Variants in FRAS1 observed in about 807,000 individuals in gnomAD.
FRAS1 encodes Fraser extracellular matrix complex subunit 1, also known as extracellular matrix organizing protein FRAS1.
FRAS1 carries 290 observed loss-of-function variants against 435.2 expected under a neutral mutation model. That is an observed-to-expected ratio of 0.67 (90% confidence interval 0.61 to 0.73). The LOEUF (loss-of-function observed/expected upper bound fraction) is 0.73, where lower values mean the gene tolerates loss of function less well. Ranked by LOEUF, FRAS1 falls within the 30% of genes least tolerant of loss-of-function variation. The pLI, the probability that FRAS1 is intolerant of heterozygous loss-of-function variation, is 0.00. For missense variants in FRAS1, 4,860 were observed against 5,001.5 expected (o/e 0.97, Z 0.85); for synonymous variants, 1,800 against 1,851.0 (o/e 0.97, Z 0.71).
At chr4:78,423,271 A>G (rs946110106) in intron 34 of FRAS1, among the ~76,000 whole-genome samples, 1 of 151,724 alleles carries the variant, frequency 6.6e-6, no homozygotes, top group Non-Finnish European at 1.5e-5. Context: ...GATTCAAGCA[A>G]TTCTCCTGCC....
chr4:78,519,221 A>C, intron 66 of FRAS1, 110 bp from the exon 67 acceptor site: 4 of 867,008 alleles, frequency 4.6e-6, no homozygotes, highest in Non-Finnish European at 6.6e-6. Flanking sequence ...TAATTATTGA[A>C]TAAGTGTGTG....
chr4:78,200,870 A>AATATATAT (rs148259948), intron 2 of FRAS1, among the ~76,000 whole-genome samples: 11,532 of 139,540 alleles, frequency 0.083, 512 homozygotes, highest in Middle Eastern at 0.1. Context: ...GCATGCCTTG[A>AATATATAT]ATATATATAT....
intron 19 of FRAS1, 39 bp downstream of exon 19, chr4:78,333,451 A>G (rs1730026447): frequency 1.3e-6 from 2 of 1,591,234 alleles, no homozygotes; most frequent in South Asian, 1.2e-5. Flanking sequence ...GCCTATGACC[A>G]TGTTTTGTCT....
intron 14 of FRAS1, among the ~76,000 whole-genome samples, chr4:78,305,447 A>C (rs1728661133): frequency 6.6e-6 from 1 of 150,394 alleles, no homozygotes; most frequent in African/African-American, 2.5e-5. Context: ...GATCTGTCTA[A>C]TGTTGACAGT....
chr4:78,206,271 G>A (rs1015731809), intron 2 of FRAS1, among the ~76,000 whole-genome samples: 11 of 152,110 alleles, frequency 7.2e-5, no homozygotes, highest in East Asian at 5.8e-4. Context: ...AGGTAGTGAC[G>A]GGAATAATGT....
In FRAS1 at chr4:78,140,850, A is replaced by G. The variant is rs181051399; in HGVS notation, c.108+74834A>G. Among the ~76,000 whole-genome samples the G allele has an allele frequency of 3.3e-5, 5 of 152,208 alleles. No individual in the cohort carries two copies. The East Asian group carries it at 7.7e-4, about 24-fold the overall frequency. On this transcript the variant is annotated intron_variant, in intron 2 of 73. Transcript: ENST00000512123. ...AAAGGAATGAATTAACAGCATTTTC[A>G]GTGACCCAAATTTTGTGGTGATATA...
At chr4:78,099,467 T>C (rs1741995002) in intron 2 of FRAS1, among the ~76,000 whole-genome samples, 1 of 152,150 alleles carries the variant, frequency 6.6e-6, no homozygotes, top group African/African-American at 2.4e-5. Flanking sequence ...ATTTAAAAGA[T>C]GGGGGTGAAA....
intron 19 of FRAS1, among the ~76,000 whole-genome samples, chr4:78,337,234 G>A (rs367279): frequency 0.77 from 117,841 of 152,072 alleles, 46,662 homozygotes; most frequent in African/African-American, 0.93. Flanking sequence ...TTTGCTGTGT[G>A]TGGATTCCCC....
chr4:78,386,533 T>A (rs1328431139), intron 28 of FRAS1, among the ~76,000 whole-genome samples: 1 of 152,138 alleles, frequency 6.6e-6, no homozygotes, highest in East Asian at 1.9e-4. Context: ...GGAGGGTGCT[T>A]GGGTAGTTTT....
chr4:78,252,576 A>C, intron 5 of FRAS1, 25 bp downstream of exon 5: 2 of 1,599,138 alleles, frequency 1.3e-6, no homozygotes, highest in Non-Finnish European at 8.5e-7. Context: ...GTAGAAGGGG[A>C]CCCTCTTTGC....
At chr4:78,199,707 A>G (rs1722968310) in intron 2 of FRAS1, among the ~76,000 whole-genome samples, 1 of 152,210 alleles carries the variant, frequency 6.6e-6, no homozygotes, top group African/African-American at 2.4e-5. Flanking sequence ...TCCACCTCCT[A>G]AGAGAATTAT....
At chr4:78,414,290 A>G (rs1271476699) in intron 32 of FRAS1, among the ~76,000 whole-genome samples, 1 of 152,174 alleles carries the variant, frequency 6.6e-6, no homozygotes, top group Non-Finnish European at 1.5e-5. Context: ...ATGCTAATGC[A>G]GTGTTATTTT....
intron 2 of FRAS1, chr4:78,181,796 C>T: frequency 6.8e-6 from 11 of 1,611,932 alleles, no homozygotes; most frequent in African/African-American, 1.3e-5. Context: ...GCCAACGCTG[C>T]GGGGCAGCGG....
At position 78,499,824 on chromosome 4, in the gene FRAS1, G is replaced by A. The variant is rs1406451394; in HGVS notation, c.9219G>A (p.Gln3073=). The A allele has an allele frequency of 6.2e-7, 1 of 1,613,832 alleles. No homozygotes were observed. The highest frequency in any genetic ancestry group is 1.1e-5 in the South Asian group (1 of 91,070). ...LNIKVIRRGD[Q]NRTSKVRCST... ...TCAAGGTGATCCGCAGAGGGGATCA[G>A]AACAGGACCTCCAAGGTTCGCTGCA... is the stretch of plus-strand genomic sequence containing the variant. Residue 3073 remains glutamine, a synonymous_variant, in exon 61 of 74, where the codon CAG becomes CAA. Coordinates refer to ENST00000512123, the MANE Select transcript of FRAS1 (RefSeq NM_025074.7).
intron 2 of FRAS1, among the ~76,000 whole-genome samples, chr4:78,127,926 T>C (rs986495271): frequency 6.1e-5 from 6 of 98,998 alleles, no homozygotes; most frequent in African/African-American, 2.4e-4. Flanking sequence ...CAACAGGCCC[T>C]GGTGTGTGAT....
intron 18 of FRAS1, among the ~76,000 whole-genome samples, 152 bp from the exon 19 acceptor site, chr4:78,333,120 G>A (rs1730009894): frequency 6.6e-6 from 1 of 152,238 alleles, no homozygotes; most frequent in African/African-American, 2.4e-5. Context: ...CCTTTAGAGG[G>A]AAGTGTGTGA....
intron 53 of FRAS1, among the ~76,000 whole-genome samples, chr4:78,474,599 T>C (rs551111912): frequency 6.6e-6 from 1 of 152,304 alleles, no homozygotes; most frequent in South Asian, 2.1e-4. Flanking sequence ...TCAATAAAAT[T>C]CATCCCTTTT....
intron 2 of FRAS1, among the ~76,000 whole-genome samples, chr4:78,093,831 G>A (rs899939286): frequency 3.3e-5 from 5 of 152,184 alleles, no homozygotes; most frequent in Admixed American, 6.5e-5. Flanking sequence ...TGTTTGCAAA[G>A]CATATATTTT....
chr4:78,439,195 G>A (rs1305217561), intron 40 of FRAS1, 131 bp downstream of exon 40: 5 of 722,388 alleles, frequency 6.9e-6, no homozygotes, highest in Non-Finnish European at 1.2e-5. Flanking sequence ...GCGGTATGAA[G>A]ATATGCATGG....
Sources: allele counts gnomAD v4.1 joint callset (sites outside exome capture counted in the v4.1 genomes callset), GRCh38; gene constraint gnomAD v4.1.1; transcripts MANE v1.5; gene names NCBI Gene and HGNC (gene_info 2026-07-23, HGNC 2026-07-21).